TAFA1: variants seen among roughly 807,000 people sequenced by gnomAD.
The protein encoded by TAFA1 is chemokine-like protein TAFA-1.
A neutral mutation model predicts 18.5 loss-of-function variants in TAFA1; 4 were observed. That is an observed-to-expected ratio of 0.22 (90% CI 0.11 to 0.49). The LOEUF is 0.49. TAFA1 is among the 20% of genes least tolerant of loss of function. TAFA1 has a pLI of 0.98. For missense variants in TAFA1, 147 were observed against 169.0 expected, an observed-to-expected ratio of 0.87 and a Z score of 0.72; for synonymous variants, 56 against 55.2, an observed-to-expected ratio of 1.01 and a Z score of -0.06.
chr3:68,459,946 CCTTTA>C (rs1245346465), intron 3 of TAFA1, among the ~76,000 whole-genome samples: 4 of 152,052 alleles, frequency 2.6e-5, no homozygotes, highest in African/African-American at 4.8e-5. Flanking sequence ...AATTAACGAC[CCTTTA>C]CTTAGGTAGA....
chr3:68,084,923 G>C (rs111449819), intron 2 of TAFA1, among the ~76,000 whole-genome samples: 2,360 of 152,042 alleles, frequency 0.016, 26 homozygotes, highest in Middle Eastern at 0.038. Context: ...GCAGCACTTT[G>C]AAATATCTGT....
intron 2 of TAFA1, among the ~76,000 whole-genome samples, chr3:68,416,184 A>G (rs775358718): frequency 6.6e-6 from 1 of 152,282 alleles, no homozygotes; most frequent in East Asian, 1.9e-4. Context: ...TGCATTACAC[A>G]GTTCTCAGAG....
intron 3 of TAFA1, among the ~76,000 whole-genome samples, chr3:68,433,063 C>T (rs190060496): frequency 4.8e-4 from 73 of 152,094 alleles, no homozygotes; most frequent in Non-Finnish European, 7.4e-4. Context: ...TAGACATCTC[C>T]GTTTGGATTT....
chr3:68,346,291 T>A (rs2069162641), intron 2 of TAFA1, among the ~76,000 whole-genome samples: 1 of 152,060 alleles, frequency 6.6e-6, no homozygotes, highest in African/African-American at 2.4e-5. Context: ...CTTGAGTAGT[T>A]GGGACTACCA....
chr3:68,496,782 G>A (rs191007479), intron 3 of TAFA1, among the ~76,000 whole-genome samples: 1 of 152,224 alleles, frequency 6.6e-6, no homozygotes, highest in Non-Finnish European at 1.5e-5. Flanking sequence ...ACCCTTCTGT[G>A]TCATTTTCTT....
At chr3:68,381,206 T>G (rs370863569) in intron 2 of TAFA1, among the ~76,000 whole-genome samples, 2 of 150,804 alleles carry the variant, frequency 1.3e-5, no homozygotes, top group Non-Finnish European at 2.9e-5. Flanking sequence ...GGTAGCATGA[T>G]GCCTCCAGCT....
chr3:68,486,677 C>T (rs1229541402), intron 3 of TAFA1, among the ~76,000 whole-genome samples: 6 of 152,182 alleles, frequency 3.9e-5, no homozygotes, highest in Admixed American at 3.9e-4. Context: ...TTCGTAATGA[C>T]GACCTCTGGG....
rs57440480 is a variant in TAFA1 at position 68,392,176 on chromosome 3, CAAAA to C, written c.119-25087_119-25084del. ...AGGGAGGGAGGAATATTTAGGAAAG[CAAAA>C]AAAAAAAAAAAAAAAAGTAGGGATT... On this transcript the variant is annotated intron_variant, in intron 2 of 4. Coordinates refer to ENST00000478136, the MANE Select transcript of TAFA1 (RefSeq NM_213609.4). Among the ~76,000 whole-genome samples the C allele has an allele frequency of 1.6e-3, 170 of 109,296 alleles. 1 individual carries two copies. The highest frequency in any genetic ancestry group is 1.7e-3 in the African/African-American group (50 of 29,242). 71.7% of individuals were successfully genotyped at this position (109,296 alleles called of 152,430 possible).
chr3:68,362,999 T>A (rs1430443406), intron 2 of TAFA1, among the ~76,000 whole-genome samples: 7 of 149,380 alleles, frequency 4.7e-5, no homozygotes, highest in African/African-American at 7.4e-5. Context: ...TTTTTTTTTT[T>A]AAATACAGTT....
chr3:68,439,412 C>CATATATATATATGTAT (rs1553690983), intron 3 of TAFA1, among the ~76,000 whole-genome samples: 2 of 73,462 alleles, frequency 2.7e-5, no homozygotes, highest in Non-Finnish European at 2.4e-5. Flanking sequence ...TATATACATA[C>CATATATATATATGTAT]ATATATATAT....
intron 3 of TAFA1, among the ~76,000 whole-genome samples, chr3:68,420,100 T>C (rs941012695): frequency 6.6e-6 from 1 of 152,188 alleles, no homozygotes; most frequent in Admixed American, 6.5e-5. Context: ...TGAATATATT[T>C]GACTCAGTTT....
chr3:68,493,619 A>T (rs35760413), intron 3 of TAFA1, among the ~76,000 whole-genome samples: 1 of 152,014 alleles, frequency 6.6e-6, no homozygotes, highest in Non-Finnish European at 1.5e-5. Flanking sequence ...AAGGGTTTCA[A>T]TTTCTATACA....
intron 2 of TAFA1, among the ~76,000 whole-genome samples, chr3:68,102,112 T>C (rs1199060554): frequency 6.6e-6 from 1 of 152,172 alleles, no homozygotes; most frequent in East Asian, 1.9e-4. Flanking sequence ...TTTTTGACAT[T>C]TTGACTCTGG....
Position 68,271,056 on chromosome 3 carries a change from G to C in TAFA1, c.119-146224G>C, listed in dbSNP as rs191579630. ...AAATTTATTGGGTTAACTAACTGAA[G>C]TTTGCAAAGTTGTAGCTGATTTGGG... On this transcript the variant is annotated intron_variant, in intron 2 of 4. Coordinates refer to ENST00000478136, the MANE Select transcript of TAFA1 (RefSeq NM_213609.4). Among the ~76,000 whole-genome samples the C allele has an allele frequency of 1.3e-3, 195 of 152,226 alleles. 1 individual carries two copies. The highest frequency in any genetic ancestry group is 1.2e-4 in the Non-Finnish European group (8 of 68,000).
intron 3 of TAFA1, among the ~76,000 whole-genome samples, chr3:68,453,831 T>G (rs1256979145): frequency 6.6e-6 from 1 of 152,184 alleles, no homozygotes; most frequent in East Asian, 1.9e-4. Flanking sequence ...GCTTTTCATA[T>G]TTCCCATAAT....
intron 2 of TAFA1, among the ~76,000 whole-genome samples, chr3:68,082,036 T>C (rs891134816): frequency 6.6e-6 from 1 of 152,206 alleles, no homozygotes; most frequent in South Asian, 2.1e-4. Context: ...TTTAAGCCCA[T>C]TGGAAAAGCG....
intron 3 of TAFA1, among the ~76,000 whole-genome samples, chr3:68,425,384 G>T (rs2071033248): frequency 6.6e-6 from 1 of 151,936 alleles, no homozygotes; most frequent in South Asian, 2.1e-4. Context: ...TTAGTAGATG[G>T]AATGCTGAAC....
At chr3:68,278,191 C>A (rs1309999046) in intron 2 of TAFA1, among the ~76,000 whole-genome samples, 1 of 152,082 alleles carries the variant, frequency 6.6e-6, no homozygotes, top group Admixed American at 6.6e-5. Context: ...TTTCTCTCTT[C>A]ATTCACACCG....
intron 2 of TAFA1, among the ~76,000 whole-genome samples, chr3:68,102,843 T>A (rs1275700039): frequency 6.6e-6 from 1 of 152,170 alleles, no homozygotes; most frequent in Non-Finnish European, 1.5e-5. Flanking sequence ...CAGCTCTGGC[T>A]TTCTTATGGT....
Sources: gnomAD v4.1 joint callset for allele counts (sites outside exome capture counted in the v4.1 genomes callset) on GRCh38, gnomAD v4.1.1 for gene constraint, MANE v1.5 for transcripts, NCBI Gene and HGNC (gene_info 2026-07-23, HGNC 2026-07-21) for gene names.